GPAT3: variants seen among roughly 807,000 people sequenced by gnomAD.
GPAT3 encodes 1-AGP acyltransferase 9.
Under a neutral mutation model 58.8 loss-of-function variants are expected in GPAT3, and 53 were observed. The observed-to-expected ratio is 0.90, with a 90% CI of 0.72 to 1.13. The LOEUF (loss-of-function observed/expected upper bound fraction) is 1.13, where lower values mean the gene tolerates loss of function less well. Ranked by LOEUF, GPAT3 falls within the 50% of genes most tolerant of loss-of-function variation. The probability of loss-of-function intolerance (pLI) is 0.00; values close to 1 mark genes in which losing one functional copy is unlikely to be tolerated. For synonymous variants in GPAT3, 197 were observed against 187.4 expected (o/e 1.05, Z -0.42); for missense variants, 511 against 527.6 (o/e 0.97, Z 0.31).
rs182145425 is a variant in GPAT3 at position 83,564,523 on chromosome 4, A to G, written c.209-17039A>G. On this transcript the variant is annotated intron_variant, in intron 2 of 11. Transcript: ENST00000264409. Reference sequence around the variant, plus strand: ...AGACCAGCCTGGACAACATAGCAAGACCTTCTCTCTACAAAAACTCAAAAA... The same window carrying G: ...AGACCAGCCTGGACAACATAGCAAGGCCTTCTCTCTACAAAAACTCAAAAA... 1.8e-3 allele frequency among the ~76,000 whole-genome samples: 281 copies of G among 152,162 alleles called. 2 individuals are homozygous for G. The highest frequency in any genetic ancestry group is 3.1e-3 in the Non-Finnish European group (212 of 67,984).
At chr4:83,574,900 C>T (rs1194346738) in intron 2 of GPAT3, among the ~76,000 whole-genome samples, 2 of 116,620 alleles carry the variant, frequency 1.7e-5, no homozygotes, top group African/African-American at 6.5e-5. Context: ...TTTTTTGAGA[C>T]GGAGTCTCGC....
At chr4:83,562,223 AT>A (rs1560611183) in intron 2 of GPAT3, among the ~76,000 whole-genome samples, 781 of 69,256 alleles carry the variant, frequency 0.011, 24 homozygotes, top group African/African-American at 0.045. Flanking sequence ...ATATATATAT[AT>A]AATATATATA....
chr4:83,539,200 C>T (rs565623618), intron 1 of GPAT3, among the ~76,000 whole-genome samples: 2 of 152,334 alleles, frequency 1.3e-5, no homozygotes, highest in East Asian at 3.9e-4. Context: ...AGGGATTATG[C>T]TGATGTTTAG....
chr4:83,563,309 T>C (rs1560611873), intron 2 of GPAT3, among the ~76,000 whole-genome samples: 2 of 152,182 alleles, frequency 1.3e-5, no homozygotes, highest in Non-Finnish European at 2.9e-5. Flanking sequence ...GGTCAAAAAT[T>C]ATAGCAATTT....
intron 5 of GPAT3, among the ~76,000 whole-genome samples, chr4:83,589,383 C>T (rs1234093032): frequency 1.3e-5 from 2 of 152,154 alleles, no homozygotes; most frequent in Admixed American, 6.6e-5. Flanking sequence ...CAAATCTGGC[C>T]CACCAGCTGT....
At chr4:83,600,133 G>C (rs1036314449) in intron 11 of GPAT3, among the ~76,000 whole-genome samples, 1 of 152,110 alleles carries the variant, frequency 6.6e-6, no homozygotes, top group Non-Finnish European at 1.5e-5. Flanking sequence ...AACAGTTTTA[G>C]AACTGTTATT....
rs1165146379 is a variant in GPAT3 at position 83,536,539 on chromosome 4, C to T, written c.-84C>T. ...CGGGCTCGGCGCTCTGCTCCTGGAGCTCCCGCGGGACTGCCTGGGGACAGG... is the reference window on the plus strand; with the variant it reads ...CGGGCTCGGCGCTCTGCTCCTGGAGTTCCCGCGGGACTGCCTGGGGACAGG... On this transcript the variant is annotated 5_prime_UTR_variant, in exon 1 of 12. Coordinates refer to ENST00000264409, the MANE Select transcript of GPAT3 (RefSeq NM_032717.5). 6 of 1,533,410 alleles carry T rather than the reference C, an allele frequency of 3.9e-6. No individual in the cohort carries two copies. In the East Asian group the frequency reaches 1.4e-4, roughly 35 times the overall value. The allele number at this position is 1,533,410 out of a possible 1,614,324, so 95.0% of individuals were successfully genotyped here.
intron 2 of GPAT3, among the ~76,000 whole-genome samples, chr4:83,578,064 G>T (rs1305295828): frequency 1.3e-5 from 2 of 152,122 alleles, no homozygotes; most frequent in Non-Finnish European, 2.9e-5. Flanking sequence ...GCCTCCCAAA[G>T]TGCTGGGATT....
At chr4:83,556,966 T>G (rs972978196) in intron 2 of GPAT3, among the ~76,000 whole-genome samples, 2 of 152,176 alleles carry the variant, frequency 1.3e-5, no homozygotes, top group African/African-American at 4.8e-5. Context: ...GGGCTGTCCT[T>G]TTGCTGTAAC....
At chr4:83,597,321 T>C in intron 8 of GPAT3, 109 bp from the exon 9 acceptor site, 2 of 606,764 alleles carry the variant, frequency 3.3e-6, no homozygotes, top group Non-Finnish European at 5.1e-6. Context: ...ACGATGCCTG[T>C]AATTTTGATA....
intron 11 of GPAT3, among the ~76,000 whole-genome samples, chr4:83,600,961 A>G (rs1727034233): frequency 6.6e-6 from 1 of 152,188 alleles, no homozygotes; most frequent in South Asian, 2.1e-4. Flanking sequence ...AATTGTAGCA[A>G]TGTTTCTAGG....
At chr4:83,590,771 C>A (rs1166824842) in intron 6 of GPAT3, among the ~76,000 whole-genome samples, 1 of 151,960 alleles carries the variant, frequency 6.6e-6, no homozygotes, top group Admixed American at 6.6e-5. Context: ...AGTCCTTGCC[C>A]ATAGCCCCAA....
chr4:83,579,061 T>C (rs868747081), intron 2 of GPAT3, among the ~76,000 whole-genome samples: 1,674 of 43,302 alleles, frequency 0.039, 132 homozygotes, highest in African/African-American at 0.046. Flanking sequence ...TTTCTTTCTT[T>C]CTTTCTTTCT....
intron 7 of GPAT3, 74 bp downstream of exon 7, chr4:83,595,034 G>C (rs1258558482): frequency 7.6e-7 from 1 of 1,309,578 alleles, no homozygotes; most frequent in Non-Finnish European, 1.1e-6. Flanking sequence ...CTACCAAAGA[G>C]GGCCGAGCAG....
At chr4:83,591,151 A>C (rs565574203) in intron 6 of GPAT3, among the ~76,000 whole-genome samples, 57 of 152,210 alleles carry the variant, frequency 3.7e-4, no homozygotes, top group African/African-American at 1.2e-3. Context: ...AGGGATTGAC[A>C]GCCATGGTTT....
chr4:83,599,015 C>T (rs977364852), intron 11 of GPAT3, among the ~76,000 whole-genome samples: 10 of 151,760 alleles, frequency 6.6e-5, no homozygotes, highest in Non-Finnish European at 1.5e-4. Flanking sequence ...TCTCAAACTC[C>T]TGGACTTGAA....
intron 2 of GPAT3, among the ~76,000 whole-genome samples, chr4:83,581,051 A>C (rs1022523071): frequency 2.2e-5 from 3 of 138,288 alleles, no homozygotes; most frequent in African/African-American, 8.2e-5. Flanking sequence ...AGCTGAGATC[A>C]CGCCACTGCA....
chr4:83,567,695 G>A (rs1247254030), intron 2 of GPAT3, among the ~76,000 whole-genome samples: 1 of 152,182 alleles, frequency 6.6e-6, no homozygotes, highest in Non-Finnish European at 1.5e-5. Context: ...CACTTTGGGA[G>A]GCTGAGGCGG....
chr4:83,575,635 C>G (rs1725784662), intron 2 of GPAT3, among the ~76,000 whole-genome samples: 1 of 152,114 alleles, frequency 6.6e-6, no homozygotes. Flanking sequence ...AGGATGGTCT[C>G]GATCTCCTGA....
Sources: allele counts gnomAD v4.1 joint callset (sites outside exome capture counted in the v4.1 genomes callset), GRCh38; gene constraint gnomAD v4.1.1; transcripts MANE v1.5; gene names NCBI Gene and HGNC (gene_info 2026-07-23, HGNC 2026-07-21).